HEATR5A: variants seen among roughly 807,000 people sequenced by gnomAD.
HEATR5A encodes the protein HEAT repeat containing 5A.
Under a neutral mutation model 218.8 loss-of-function variants are expected in HEATR5A, and 178 were observed. The observed-to-expected ratio is 0.81, with a 90% CI of 0.72 to 0.92. The LOEUF (loss-of-function observed/expected upper bound fraction) is 0.92. Among genes scored for constraint, HEATR5A ranks in the 40% least tolerant of loss-of-function variants. The pLI is 0.00. For synonymous variants in HEATR5A, 864 were observed against 871.6 expected (o/e 0.99, Z 0.15); for missense variants, 2,420 against 2,418.9 (o/e 1.00, Z -0.01).
intron 14 of HEATR5A, among the ~76,000 whole-genome samples, chr14:31,361,277 T>C (rs545411495): frequency 1.4e-4 from 22 of 152,296 alleles, no homozygotes; most frequent in Middle Eastern, 3.4e-3. Flanking sequence ...GATACCAATA[T>C]ATACATATAA....
In HEATR5A at chr14:31,345,072, A is replaced by C. The variant is rs1566762095; in HGVS notation, c.3058+15T>G. On this transcript the variant is annotated intron_variant, in intron 20 of 35. Coordinates refer to ENST00000543095, the MANE Select transcript of HEATR5A (RefSeq NM_015473.4). ...TATTTTTAATGTAAAACATCACAAA[A>C]GCAGCTATGCACACCTTGTAGCTCT... 1 of 1,584,072 alleles carries C rather than the reference A, an allele frequency of 6.3e-7. No individual in the cohort carries two copies.
rs867205992 is a variant in HEATR5A, at chr14:31,301,183, T to G, written c.5464+1112A>C. 2.6e-5 allele frequency among the ~76,000 whole-genome samples: 4 copies of G among 152,330 alleles called. No homozygotes were observed. In the Middle Eastern group the frequency reaches 0.01, roughly 389 times the overall value. ...AAATGCATACTGTGTCTAAAGACTT[T>G]TTATAATCACTACAACACACTAGTG... On this transcript the variant is annotated intron_variant, in intron 33 of 35. Coordinates refer to ENST00000543095, the MANE Select transcript of HEATR5A (RefSeq NM_015473.4).
intron 19 of HEATR5A, among the ~76,000 whole-genome samples, chr14:31,347,049 A>G (rs889900259): frequency 6.6e-6 from 1 of 152,214 alleles, no homozygotes; most frequent in Non-Finnish European, 1.5e-5. Flanking sequence ...CAAGTTGCTT[A>G]GCTTCTTAAG....
chr14:31,335,882 T>A lies in HEATR5A; in HGVS notation c.3367+1594A>T, dbSNP rs976104405. 3.3e-5 allele frequency among the ~76,000 whole-genome samples: 5 copies of A among 152,122 alleles called. No homozygotes were observed. In the East Asian group the frequency reaches 9.7e-4, roughly 30 times the overall value. On this transcript the variant is annotated intron_variant, in intron 22 of 35. Transcript: ENST00000543095. ...GTTGGCCAGGCTGGTCTCGAACTCC[T>A]GACCTCCGGTGATCTGCCCACCTCG...
intron 4 of HEATR5A, among the ~76,000 whole-genome samples, chr14:31,396,318 G>T (rs1566781728): frequency 6.6e-6 from 1 of 151,934 alleles, no homozygotes; most frequent in Non-Finnish European, 1.5e-5. Context: ...AGGTGGGAGG[G>T]TGGCTTGAGC....
chr14:31,373,388 G>T (rs568764632), intron 12 of HEATR5A, among the ~76,000 whole-genome samples: 10 of 151,186 alleles, frequency 6.6e-5, no homozygotes, highest in Non-Finnish European at 1.5e-4. Context: ...GAGTGCAATG[G>T]CGCATTCTCA....
chr14:31,386,949 T>C (rs534570042), intron 8 of HEATR5A, among the ~76,000 whole-genome samples, 171 bp downstream of exon 8: 10 of 152,272 alleles, frequency 6.6e-5, no homozygotes, highest in African/African-American at 2.4e-4. Context: ...GATAGACAGT[T>C]TCAAAAATAA....
intron 13 of HEATR5A, among the ~76,000 whole-genome samples, chr14:31,369,608 CAAAAAAAAAAAA>C (rs71430951): frequency 1.1e-4 from 5 of 45,148 alleles, no homozygotes; most frequent in South Asian, 1.8e-3. Flanking sequence ...AAAACTGTCT[CAAAAAAAAAAAA>C]AAAAAAAAAA....
chr14:31,302,938 CAAAAAAAAA>C (rs747481722), intron 32 of HEATR5A, among the ~76,000 whole-genome samples: 37,037 of 103,678 alleles, frequency 0.36, 6,031 homozygotes, highest in South Asian at 0.5. Context: ...TTCATCTTTA[CAAAAAAAAA>C]AAAAAAAAAA....
chr14:31,361,099 C>T (rs1901601725), intron 14 of HEATR5A, among the ~76,000 whole-genome samples: 2 of 152,176 alleles, frequency 1.3e-5, no homozygotes, highest in African/African-American at 4.8e-5. Context: ...TGCCAGAGAT[C>T]ATATGATGAT....
Position 31,326,186 on chromosome 14 carries a change from T to G in HEATR5A, c.3524A>C (p.Lys1175Thr). The G allele has an allele frequency of 6.2e-7, 1 of 1,613,238 alleles. No individual in the cohort carries two copies. Among genetic ancestry groups the G allele is most frequent in the Non-Finnish European group, 8.5e-7 (1 of 1,179,350 alleles). The change falls in exon 23 of 36, where the codon AAA becomes ACA. Residue 1175 changes from lysine to threonine, a missense_variant. Lys to Thr is a moderately conservative substitution (Grantham distance 78). Coordinates refer to ENST00000543095, the MANE Select transcript of HEATR5A (RefSeq NM_015473.4). ...ACCAGCTGATGCAGCAAGTACATCT[T>G]TACAAAGCTTTAACCACAGGGAGAG... ...EKLSLWLKLC[K>T]DVLAASADFT...
At chr14:31,307,760 C>G in intron 30 of HEATR5A, 133 bp downstream of exon 30, 1 of 901,004 alleles carries the variant, frequency 1.1e-6, no homozygotes, top group South Asian at 1.8e-5. Flanking sequence ...GGTTCCAAGG[C>G]CTAGCTGTGA....
intron 3 of HEATR5A, 150 bp downstream of exon 3, chr14:31,400,151 G>A (rs1879428862): frequency 1.9e-6 from 1 of 539,238 alleles, no homozygotes; most frequent in African/African-American, 1.9e-5. Flanking sequence ...CATGAAAAGT[G>A]TTAGTTTCTT....
intron 23 of HEATR5A, 64 bp from the exon 24 acceptor site, chr14:31,323,868 AG>A: frequency 8.9e-7 from 1 of 1,124,234 alleles, no homozygotes; most frequent in Non-Finnish European, 1.3e-6. Flanking sequence ...ATATATCAAA[AG>A]GAACAAAAAA....
At chr14:31,415,588 C>T (rs949510141) in intron 1 of HEATR5A, among the ~76,000 whole-genome samples, 5 of 152,174 alleles carry the variant, frequency 3.3e-5, no homozygotes, top group Non-Finnish European at 7.4e-5. Flanking sequence ...AGAATTAGAA[C>T]TAAGGGATTT....
chr14:31,294,779 C>G (rs1899124941), intron 34 of HEATR5A, among the ~76,000 whole-genome samples: 2 of 152,086 alleles, frequency 1.3e-5, no homozygotes, highest in Non-Finnish European at 2.9e-5. Flanking sequence ...AAAACACATA[C>G]AACCTTGAAA....
intron 26 of HEATR5A, among the ~76,000 whole-genome samples, chr14:31,316,284 T>C (rs1033593552): frequency 3.3e-5 from 5 of 150,606 alleles, no homozygotes; most frequent in Admixed American, 6.6e-5. Flanking sequence ...TGAGACCCCA[T>C]CTCTTAAAAA....
chr14:31,328,790 G>A (rs905063743), intron 22 of HEATR5A, among the ~76,000 whole-genome samples: 2 of 151,826 alleles, frequency 1.3e-5, no homozygotes, highest in East Asian at 1.9e-4. Flanking sequence ...TGAGGCAGGA[G>A]AATCGCTTGA....
At chr14:31,365,017 G>C (rs1164145538) in intron 13 of HEATR5A, among the ~76,000 whole-genome samples, 1 of 151,960 alleles carries the variant, frequency 6.6e-6, no homozygotes, top group Admixed American at 6.6e-5. Context: ...TGGGACTACA[G>C]GTGCGCACCA....
Sources: allele counts gnomAD v4.1 joint callset (sites outside exome capture counted in the v4.1 genomes callset), GRCh38; gene constraint gnomAD v4.1.1; transcripts MANE v1.5; gene names NCBI Gene and HGNC (gene_info 2026-07-23, HGNC 2026-07-21).